The following CNGA1 variants were observed in gnomAD, a reference collection of about 807,000 sequenced individuals.
The protein encoded by CNGA1 is cyclic nucleotide gated channel subunit alpha 1.
A neutral mutation model predicts 69.7 loss-of-function variants in CNGA1; 53 were observed. That is an observed-to-expected ratio of 0.76 (90% CI 0.61 to 0.96). The LOEUF (loss-of-function observed/expected upper bound fraction) is 0.96. Among genes scored for constraint, CNGA1 ranks in the 40% least tolerant of loss-of-function variants. The pLI is 0.00. For missense variants in CNGA1, 739 were observed against 811.2 expected (o/e 0.91, Z 1.08); for synonymous variants, 249 against 283.5 (o/e 0.88, Z 1.22).
chr4:47,973,066 CTTTT>C (rs3058684), intron 3 of CNGA1, among the ~76,000 whole-genome samples: 1 of 120,278 alleles, frequency 8.3e-6, no homozygotes. Flanking sequence ...AAAGCACCAT[CTTTT>C]TTTTTTTTTT....
chr4:47,936,289 C>T lies in CNGA1; in HGVS notation c.*132G>A. 3.3e-6 allele frequency: 3 copies of T among 921,690 alleles called. No homozygotes were observed. The highest frequency in any genetic ancestry group is 1.4e-5 in the South Asian group (1 of 71,374). 57.1% of individuals were successfully genotyped at this position (921,690 alleles called of 1,614,324 possible). On this transcript the variant is annotated 3_prime_UTR_variant, in exon 11 of 11. Coordinates refer to ENST00000514170, the MANE Select transcript of CNGA1 (RefSeq NM_001379270.1). ...GAGAGGGTGTGGGCCTTGTACCTTG[C>T]ACCAAAGCACATTTTCCTCATGGAA...
Position 47,936,409 on chromosome 4 carries a change from A to C in CNGA1, c.*12T>G. The C allele has an allele frequency of 6.2e-7, 1 of 1,613,924 alleles. No homozygotes were observed. The highest frequency in any genetic ancestry group is 2.2e-5 in the East Asian group (1 of 44,884). On this transcript the variant is annotated 3_prime_UTR_variant, in exon 11 of 11. Coordinates refer to ENST00000514170, the MANE Select transcript of CNGA1 (RefSeq NM_001379270.1). ...ATGAGGCATGTCCCTGTTAATGACC[A>C]GCTTTTCGGTTCTATGTAGAGTCGA...
chr4:48,002,882 C>G (rs1714725635), intron 2 of CNGA1, among the ~76,000 whole-genome samples: 1 of 152,010 alleles, frequency 6.6e-6, no homozygotes, highest in Non-Finnish European at 1.5e-5. Context: ...AGCCTGATGG[C>G]CTCCCATTAG....
intron 5 of CNGA1, among the ~76,000 whole-genome samples, chr4:47,950,823 A>T (rs1739694902): frequency 1.3e-5 from 2 of 152,164 alleles, no homozygotes; most frequent in South Asian, 4.1e-4. Flanking sequence ...TTTCTCTTCT[A>T]GCACCTCTCT....
chr4:48,015,957 T>A lies in CNGA1; in HGVS notation c.-223+526A>T, dbSNP rs180868317. On this transcript the variant is annotated intron_variant, in intron 1 of 10. Transcript: ENST00000514170. Reference sequence around the variant, plus strand: ...GTCTTCCAACCTTGGTTTGGTTACTTAACCTCACTCTTTGCCTCTAATCCC... The same window carrying A: ...GTCTTCCAACCTTGGTTTGGTTACTAAACCTCACTCTTTGCCTCTAATCCC... Among the ~76,000 whole-genome samples the A allele has an allele frequency of 1.8e-4, 28 of 152,354 alleles. 1 individual carries two copies. The highest frequency in any genetic ancestry group is 1.8e-3 in the Admixed American group (27 of 15,302).
intron 2 of CNGA1, among the ~76,000 whole-genome samples, chr4:47,985,155 T>C (rs1237685984): frequency 1.3e-5 from 2 of 152,208 alleles, no homozygotes; most frequent in Non-Finnish European, 2.9e-5. Flanking sequence ...TGAGACATAG[T>C]AATATGAAGC....
At chr4:47,953,940 G>A (rs1018371648) in intron 3 of CNGA1, among the ~76,000 whole-genome samples, 1 of 152,004 alleles carries the variant, frequency 6.6e-6, no homozygotes, top group Non-Finnish European at 1.5e-5. Context: ...AGTGAAAACA[G>A]GCACTCCTGT....
At chr4:47,976,459 G>C (rs558460523) in intron 3 of CNGA1, among the ~76,000 whole-genome samples, 1 of 151,140 alleles carries the variant, frequency 6.6e-6, no homozygotes, top group Non-Finnish European at 1.5e-5. Context: ...TATCCCCTGA[G>C]AGAAGACAAG....
At chr4:48,006,624 G>A (rs555619197) in intron 2 of CNGA1, among the ~76,000 whole-genome samples, 1 of 147,240 alleles carries the variant, frequency 6.8e-6, no homozygotes, top group African/African-American at 2.5e-5. Context: ...TTCAAAAAAA[G>A]ACATAATTTT....
At chr4:47,940,656 A>AT in intron 10 of CNGA1, 107 bp downstream of exon 10, 2 of 831,706 alleles carry the variant, frequency 2.4e-6, no homozygotes, top group Non-Finnish European at 4.0e-6. Context: ...TCTAGAACAG[A>AT]TTTTTGTGAG....
chr4:48,000,744 G>A lies in CNGA1; in HGVS notation c.-123+10050C>T, dbSNP rs1714634354. 7.2e-5 allele frequency among the ~76,000 whole-genome samples: 11 copies of A among 152,102 alleles called. 1 individual carries two copies. The South Asian group carries it at 2.3e-3, about 32-fold the overall frequency. On this transcript the variant is annotated intron_variant, in intron 2 of 10. Transcript: ENST00000514170. Reference sequence around the variant, plus strand: ...ACATTACATACAGTGGGGGAAGCGGGGGGGTGGGAAGGATAATCACAGACT... The same window carrying A: ...ACATTACATACAGTGGGGGAAGCGGAGGGGTGGGAAGGATAATCACAGACT...
chr4:47,979,377 C>T (rs938394029), intron 3 of CNGA1, among the ~76,000 whole-genome samples: 23 of 149,518 alleles, frequency 1.5e-4, no homozygotes, highest in Middle Eastern at 3.5e-3. Context: ...TGGGAAAGGA[C>T]ATTATATTTC....
At chr4:48,016,229 C>T (rs977443693) in intron 1 of CNGA1, among the ~76,000 whole-genome samples, 8 of 152,000 alleles carry the variant, frequency 5.3e-5, no homozygotes, top group Non-Finnish European at 1.2e-4. Context: ...ATGGATATAG[C>T]GGGCGTGGAC....
intron 2 of CNGA1, among the ~76,000 whole-genome samples, chr4:48,001,253 G>T (rs1160719465): frequency 1.2e-4 from 18 of 152,170 alleles, no homozygotes; most frequent in Admixed American, 1.2e-3. Context: ...ATCTCTTGAG[G>T]TCAGGAGTTC....
chr4:48,011,844 T>C (rs1463288626), intron 1 of CNGA1, among the ~76,000 whole-genome samples: 1 of 152,180 alleles, frequency 6.6e-6, no homozygotes, highest in East Asian at 1.9e-4. Flanking sequence ...AAAGGGAATG[T>C]TCGGATTAAG....
chr4:47,942,008 TCC>T lies in CNGA1; in HGVS notation c.545+31_545+32del. 3 of 1,172,200 alleles carry T rather than the reference TCC, an allele frequency of 2.6e-6. No individual in the cohort carries two copies. In the South Asian group the frequency reaches 4.0e-5, roughly 16 times the overall value. 72.6% of individuals were successfully genotyped at this position (1,172,200 alleles called of 1,614,324 possible). On this transcript the variant is annotated intron_variant, in intron 9 of 10. Transcript: ENST00000514170. ...CTTGGAAACTAGAAATGGGGTGAGA[TCC>T]ACAAAAAAAAAAAAAAAAAATTATA...
intron 2 of CNGA1, among the ~76,000 whole-genome samples, chr4:48,005,328 G>A (rs1204541754): frequency 6.6e-6 from 1 of 152,070 alleles, no homozygotes; most frequent in Non-Finnish European, 1.5e-5. Context: ...ATCTTGGCCA[G>A]GCTGGTCTCG....
At chr4:47,963,987 T>A (rs1040411266) in intron 3 of CNGA1, among the ~76,000 whole-genome samples, 1 of 152,206 alleles carries the variant, frequency 6.6e-6, no homozygotes, top group African/African-American at 2.4e-5. Context: ...TAGCAGGCAG[T>A]AGCCAATAAA....
chr4:47,995,666 C>T (rs1476381722), intron 2 of CNGA1, among the ~76,000 whole-genome samples: 1 of 152,018 alleles, frequency 6.6e-6, no homozygotes, highest in African/African-American at 2.4e-5. Context: ...TTCTTCTCAG[C>T]TTGGATCCAT....
Sources: gnomAD v4.1 joint callset for allele counts (sites outside exome capture counted in the v4.1 genomes callset) on GRCh38, gnomAD v4.1.1 for gene constraint, MANE v1.5 for transcripts, NCBI Gene and HGNC (gene_info 2026-07-23, HGNC 2026-07-21) for gene names.